CAST: variants seen among roughly 807,000 people sequenced by gnomAD.
CAST encodes the protein calpastatin.
CAST carries 76 observed loss-of-function variants against 119.6 expected under a neutral mutation model. That is an observed-to-expected ratio of 0.64 (90% CI 0.53 to 0.77). The LOEUF (loss-of-function observed/expected upper bound fraction) is 0.77. Ranked by LOEUF, CAST falls within the 30% of genes least tolerant of loss-of-function variation. The probability of loss-of-function intolerance (pLI) is 0.00; values close to 1 mark genes in which losing one functional copy is unlikely to be tolerated. For synonymous variants in CAST, 319 were observed against 331.6 expected (o/e 0.96, Z 0.41); for missense variants, 953 against 946.5 (o/e 1.01, Z -0.09).
the CAST span, among the ~76,000 whole-genome samples, chr5:96,487,851 G>A: frequency 6.6e-6 from 1 of 152,148 alleles, no homozygotes; most frequent in Non-Finnish European, 1.5e-5. Context: ...TCACGAAAGG[G>A]CACCAAACAC....
At chr5:96,658,213 T>A (rs1561440871), upstream of CAST, among the ~76,000 whole-genome samples, 1 of 152,166 alleles carries the variant, frequency 6.6e-6, no homozygotes, top group Non-Finnish European at 1.5e-5. Flanking sequence ...TTGGGTTTAG[T>A]AAGTTCATTA....
intron 1 of CAST, among the ~76,000 whole-genome samples, chr5:96,667,886 G>T (rs1749542819): frequency 6.6e-6 from 1 of 152,166 alleles, no homozygotes; most frequent in Non-Finnish European, 1.5e-5. Flanking sequence ...GTGGTGGCAG[G>T]CGCCTGTAAT....
the CAST span, among the ~76,000 whole-genome samples, chr5:96,282,683 T>A: frequency 3.3e-5 from 5 of 152,172 alleles, no homozygotes; most frequent in Admixed American, 3.3e-4. Context: ...TATTAAAGAC[T>A]AACAGTGAAA....
chr5:96,646,442 G>A (rs1029299642), intron 1 of CAST, among the ~76,000 whole-genome samples: 10 of 152,282 alleles, frequency 6.6e-5, no homozygotes, highest in Middle Eastern at 3.4e-3. Context: ...TCATTTAAAA[G>A]GTAGATTTCT....
chr5:95,990,184 A>C, the CAST span, among the ~76,000 whole-genome samples: 1 of 152,092 alleles, frequency 6.6e-6, no homozygotes, highest in Admixed American at 6.5e-5. Context: ...CTGTTCCCTT[A>C]AGCCTAGAAA....
the CAST span, among the ~76,000 whole-genome samples, chr5:96,218,312 A>G: frequency 0.57 from 86,407 of 151,980 alleles, 25,847 homozygotes; most frequent in Non-Finnish European, 0.66. Context: ...GAAGGAGATC[A>G]TAATGAAGCA....
chr5:96,053,580 A>G, the CAST span, among the ~76,000 whole-genome samples: 15 of 152,180 alleles, frequency 9.9e-5, no homozygotes, highest in African/African-American at 3.1e-4. Flanking sequence ...TTATTTTGCA[A>G]TTTAAAAAAT....
At chr5:96,262,719 T>G in the CAST span, among the ~76,000 whole-genome samples, 2 of 151,970 alleles carry the variant, frequency 1.3e-5, no homozygotes, top group African/African-American at 2.4e-5. Context: ...GTATTTTTAG[T>G]AGAGATAGGG....
At chr5:96,155,407 C>T in the CAST span, among the ~76,000 whole-genome samples, 3 of 152,104 alleles carry the variant, frequency 2.0e-5, no homozygotes, top group African/African-American at 7.2e-5. Context: ...ACAAATTCAG[C>T]CTGAAGGGAA....
chr5:96,417,006 A>C, the CAST span, among the ~76,000 whole-genome samples: 3 of 152,216 alleles, frequency 2.0e-5, no homozygotes, highest in Non-Finnish European at 2.9e-5. Flanking sequence ...TCTATTGTGG[A>C]AACAACCTGT....
At chr5:96,054,935 G>A in the CAST span, among the ~76,000 whole-genome samples, 1 of 152,148 alleles carries the variant, frequency 6.6e-6, no homozygotes, top group Non-Finnish European at 1.5e-5. Context: ...CCATCTCAGT[G>A]GGTGGATGGA....
At chr5:96,664,400 AAT>A (rs10587366) in intron 1 of CAST, among the ~76,000 whole-genome samples, 43,844 of 150,118 alleles carry the variant, frequency 0.29, 9,280 homozygotes, top group African/African-American at 0.6. Context: ...TATATGTGTA[AAT>A]ATATATATAT....
chr5:96,207,789 A>G, the CAST span, among the ~76,000 whole-genome samples: 1 of 152,104 alleles, frequency 6.6e-6, no homozygotes, highest in South Asian at 2.1e-4. Context: ...AGGTTTTGGT[A>G]TCAGGATAAT....
At chr5:96,650,539 T>C (rs1748077252) in intron 1 of CAST, among the ~76,000 whole-genome samples, 1 of 152,200 alleles carries the variant, frequency 6.6e-6, no homozygotes, top group Admixed American at 6.5e-5. Context: ...AAATTATACA[T>C]TGTAACTTGG....
the CAST span, among the ~76,000 whole-genome samples, chr5:96,181,572 G>A: frequency 6.6e-6 from 1 of 152,224 alleles, no homozygotes; most frequent in Non-Finnish European, 1.5e-5. Context: ...CTCAGAAGGA[G>A]ACAACCGAGG....
chr5:96,434,656 G>A, the CAST span, among the ~76,000 whole-genome samples: 2 of 151,424 alleles, frequency 1.3e-5, no homozygotes, highest in Non-Finnish European at 2.9e-5. Context: ...TCAACCGCCC[G>A]AGGGCGCGAT....
intron 16 of CAST, chr5:96,743,735 T>C: frequency 6.3e-6 from 10 of 1,596,864 alleles, no homozygotes; most frequent in Non-Finnish European, 8.6e-6. Flanking sequence ...AGTTCGTATC[T>C]TCCAGGACCA....
intron 19 of CAST, among the ~76,000 whole-genome samples, chr5:96,749,585 C>T (rs1006239550): frequency 3.9e-5 from 6 of 152,338 alleles, no homozygotes; most frequent in African/African-American, 1.4e-4. Flanking sequence ...CTCACTCTCT[C>T]TCCCAGCTGG....
At chr5:96,437,785 C>T in the CAST span, among the ~76,000 whole-genome samples, 1 of 152,136 alleles carries the variant, frequency 6.6e-6, no homozygotes, top group Non-Finnish European at 1.5e-5. Flanking sequence ...ACTTAACATG[C>T]CTGGTATACA....
Sources: gnomAD v4.1 joint callset for allele counts (sites outside exome capture counted in the v4.1 genomes callset) on GRCh38, gnomAD v4.1.1 for gene constraint, MANE v1.5 for transcripts, NCBI Gene and HGNC (gene_info 2026-07-23, HGNC 2026-07-21) for gene names.